Variants in HTR2C observed in about 807,000 individuals in gnomAD.
The protein encoded by HTR2C is 5-hydroxytryptamine (serotonin) receptor 2C, G protein-coupled.
Under a neutral mutation model 21.0 loss-of-function variants are expected in HTR2C, and 5 were observed. The ratio of observed to expected loss-of-function variants is 0.24; its 90% CI spans 0.12 to 0.50. The LOEUF (loss-of-function observed/expected upper bound fraction) is 0.50. Among genes scored for constraint, HTR2C ranks in the 20% least tolerant of loss-of-function variants. HTR2C has a pLI of 0.98. For missense variants in HTR2C, 271 were observed against 371.2 expected, an observed-to-expected ratio of 0.73 and a Z score of 2.22; for synonymous variants, 150 against 145.3, an observed-to-expected ratio of 1.03 and a Z score of -0.23.
At chrX:114,679,284 A>T (rs1556413216) in intron 2 of HTR2C, among the ~76,000 whole-genome samples, 1 of 110,139 alleles carries the variant, frequency 9.1e-6, no homozygotes, top group Non-Finnish European at 1.9e-5. Context: ...AAATTTATTT[A>T]TTATTATTAT....
chrX:114,782,329 G>C (rs1241039402), intron 4 of HTR2C, among the ~76,000 whole-genome samples: 3 of 111,286 alleles, frequency 2.7e-5, no homozygotes, highest in Non-Finnish European at 5.7e-5. Flanking sequence ...AGTGAATCTA[G>C]ATAGAAGGTC....
chrX:114,855,955 T>A (rs1191806249), intron 5 of HTR2C, among the ~76,000 whole-genome samples: 1 of 108,297 alleles, frequency 9.2e-6, no homozygotes, highest in Non-Finnish European at 1.9e-5. Context: ...GGCAGTCCTG[T>A]TAGAGTGACT....
In HTR2C at chrX:114,805,846, T is replaced by TATATATGCCATATATATACC. The variant is rs2070412524; in HGVS notation, c.350-42151_350-42150insGCCATATATATACCATATAT. On this transcript the variant is annotated intron_variant, in intron 4 of 5. Transcript: ENST00000276198. Reference sequence around the variant, plus strand: ...TACCATATATATACCATATATACCATATATATACCATATATATACCATATA... The same window carrying TATATATGCCATATATATACC: ...TACCATATATATACCATATATACCATATATATGCCATATATATACCATATATACCATATATATACCATATA... Among the ~76,000 whole-genome samples the TATATATGCCATATATATACC allele has an allele frequency of 3.2e-4, 13 of 41,163 alleles. No homozygotes were observed. In the Admixed American group the frequency reaches 6.2e-3, roughly 20 times the overall value. The allele number at this position is 41,163 out of a possible 115,157, so 35.7% of individuals were successfully genotyped here. A position where few individuals can be genotyped will look rare whatever the true frequency, so the allele number is the denominator to read the frequency against.
intron 2 of HTR2C, among the ~76,000 whole-genome samples, chrX:114,677,586 A>G (rs891737649): frequency 9.0e-6 from 1 of 111,672 alleles, no homozygotes; most frequent in Non-Finnish European, 1.9e-5. Flanking sequence ...CCAGTTTCTT[A>G]ATGACAAAAT....
chrX:114,805,981 T>TATATATACC (rs2070421350), intron 4 of HTR2C, among the ~76,000 whole-genome samples: 5 of 9,082 alleles, frequency 5.5e-4, no homozygotes, highest in Non-Finnish European at 1.8e-3. Context: ...ATATACACCA[T>TATATATACC]ATATATACAC....
At chrX:114,733,705 T>G (rs1174624808) in intron 4 of HTR2C, among the ~76,000 whole-genome samples, 2 of 109,728 alleles carry the variant, frequency 1.8e-5, no homozygotes, top group Admixed American at 2.0e-4. Flanking sequence ...CTCCCTCTAC[T>G]GTCTCCCACT....
At chrX:114,784,419 A>G (rs782447914) in intron 4 of HTR2C, among the ~76,000 whole-genome samples, 1 of 111,167 alleles carries the variant, frequency 9.0e-6, no homozygotes, top group African/African-American at 3.3e-5. Context: ...TTCGTGGCTT[A>G]AAACAACAGA....
Position 114,584,271 on chromosome X carries a change from G to C in HTR2C, c.-535G>C, listed in dbSNP as rs782527283. ...ACATCGTTGTCGTCGGAGTCGTCGCGATCGTCGTGGCGCTCGTGTGATGGC... is the reference window on the plus strand; with the variant it reads ...ACATCGTTGTCGTCGGAGTCGTCGCCATCGTCGTGGCGCTCGTGTGATGGC... On this transcript the variant is annotated 5_prime_UTR_variant, in exon 1 of 6. Coordinates refer to ENST00000276198, the MANE Select transcript of HTR2C (RefSeq NM_000868.4). The C allele has an allele frequency of 5.3e-5, 6 of 113,047 alleles. No individual in the cohort carries two copies. The highest frequency in any genetic ancestry group is 3.7e-4 in the Admixed American group (4 of 10,762). 9.3% of individuals were successfully genotyped at this position (113,047 alleles called of 1,213,427 possible).
intron 2 of HTR2C, among the ~76,000 whole-genome samples, chrX:114,655,039 GA>G (rs371025252): frequency 0.01 from 832 of 80,819 alleles, 10 homozygotes; most frequent in African/African-American, 0.03. Context: ...GGGTAGAAAA[GA>G]AAAAAAAAAA....
chrX:114,740,735 AT>A lies in HTR2C; in HGVS notation c.349+9129del, dbSNP rs374004642. On this transcript the variant is annotated intron_variant, in intron 4 of 5. Transcript: ENST00000276198. ...CATAACCACACTGAAGTACAAAAAA[AT>A]CTGACCCAAATAACTTTAATACACA... Among the ~76,000 whole-genome samples, 257 of 112,094 alleles carry A rather than the reference AT, an allele frequency of 2.3e-3. 1 individual carries two copies. Among genetic ancestry groups the A allele is most frequent in the African/African-American group, 7.8e-3 (242 of 30,935 alleles).
intron 5 of HTR2C, among the ~76,000 whole-genome samples, chrX:114,861,639 G>T (rs2071007353): frequency 9.0e-6 from 1 of 110,652 alleles, no homozygotes; most frequent in African/African-American, 3.3e-5. Flanking sequence ...TTTCCTCCAC[G>T]CATTTGCCAA....
At chrX:114,623,577 A>G (rs1365058291) in intron 2 of HTR2C, among the ~76,000 whole-genome samples, 2 of 111,960 alleles carry the variant, frequency 1.8e-5, no homozygotes, top group African/African-American at 6.5e-5. Context: ...GCTTTCAGCT[A>G]TTTAGTGGCA....
chrX:114,782,901 A>C (rs1244136191), intron 4 of HTR2C, among the ~76,000 whole-genome samples: 3 of 111,789 alleles, frequency 2.7e-5, no homozygotes, highest in Non-Finnish European at 5.6e-5. Context: ...ACACACATTA[A>C]TTTAATTTAT....
intron 5 of HTR2C, among the ~76,000 whole-genome samples, chrX:114,874,141 T>A (rs1337826913): frequency 5.7e-4 from 3 of 5,272 alleles, no homozygotes; most frequent in Non-Finnish European, 6.4e-4. Context: ...AATTCTCTTG[T>A]GTGTGTGTGT....
intron 1 of HTR2C, among the ~76,000 whole-genome samples, chrX:114,607,994 A>C (rs1556397574): frequency 1.8e-5 from 2 of 111,521 alleles, no homozygotes; most frequent in Non-Finnish European, 3.8e-5. Flanking sequence ...CTCAAAAAAA[A>C]CAAAATCTAG....
At chrX:114,684,253 T>C (rs1556413933) in intron 2 of HTR2C, among the ~76,000 whole-genome samples, 1 of 111,864 alleles carries the variant, frequency 8.9e-6, no homozygotes, top group East Asian at 2.8e-4. Context: ...TGTTTGCTTG[T>C]CACATTTTCT....
chrX:114,883,922 G>A (rs914783037), intron 5 of HTR2C, among the ~76,000 whole-genome samples: 1 of 109,698 alleles, frequency 9.1e-6, no homozygotes, highest in African/African-American at 3.3e-5. Context: ...CCTTGAACCA[G>A]CATCTATTCA....
At chrX:114,861,514 C>T (rs1158638908) in intron 5 of HTR2C, among the ~76,000 whole-genome samples, 2 of 111,088 alleles carry the variant, frequency 1.8e-5, no homozygotes, top group Admixed American at 1.9e-4. Context: ...TACAATGTGA[C>T]GATCTCATTT....
At chrX:114,658,036 A>G (rs1556409553) in intron 2 of HTR2C, among the ~76,000 whole-genome samples, 1 of 91,402 alleles carries the variant, frequency 1.1e-5, no homozygotes, top group African/African-American at 3.9e-5. Context: ...TAGTAATTTT[A>G]TTTTTAGAGG....
Sources: allele counts gnomAD v4.1 joint callset (sites outside exome capture counted in the v4.1 genomes callset), GRCh38; gene constraint gnomAD v4.1.1; transcripts MANE v1.5; gene names NCBI Gene and HGNC (gene_info 2026-07-23, HGNC 2026-07-21).